Variants in GPRASP3 observed in about 807,000 individuals in gnomAD.
GPRASP3 encodes the protein G protein-coupled receptor associated sorting protein family member 3.
the GPRASP3 span, among the ~76,000 whole-genome samples, chrX:102,734,212 C>T: frequency 5.3e-5 from 6 of 112,161 alleles, no homozygotes; most frequent in African/African-American, 1.9e-4. Context: ...GATATGATGG[C>T]TTAGCTTGGG....
At chrX:102,721,662 T>C in the GPRASP3 span, among the ~76,000 whole-genome samples, 22 of 111,239 alleles carry the variant, frequency 2.0e-4, no homozygotes, top group Admixed American at 1.0e-3. Context: ...CTCATTCCCA[T>C]TGAGGGACAC....
At chrX:102,732,458 T>C in the GPRASP3 span, among the ~76,000 whole-genome samples, 1 of 110,748 alleles carries the variant, frequency 9.0e-6, no homozygotes. Context: ...CATCTGGAGC[T>C]TGATGACCCA....
the GPRASP3 span, chrX:102,753,495 A>G: frequency 1.6e-5 from 2 of 123,250 alleles, 1 homozygote; most frequent in Admixed American, 1.9e-4. Flanking sequence ...AATGACATCT[A>G]ACAATATTGA....
the GPRASP3 span, chrX:102,749,805 C>T: frequency 3.3e-6 from 4 of 1,209,580 alleles, no homozygotes; most frequent in African/African-American, 1.7e-5. Context: ...CTTCTAGGAA[C>T]ACTCGCTCAT....
the GPRASP3 span, among the ~76,000 whole-genome samples, chrX:102,738,243 G>A: frequency 8.9e-6 from 1 of 112,163 alleles, no homozygotes; most frequent in Non-Finnish European, 1.9e-5. Flanking sequence ...GAACAGAGGA[G>A]GAAAAAGAGG....
chrX:102,746,889 C>A, the GPRASP3 span, among the ~76,000 whole-genome samples: 1 of 112,679 alleles, frequency 8.9e-6, no homozygotes, highest in African/African-American at 3.2e-5. Flanking sequence ...TCGAATTTCA[C>A]AACAGTGGTC....
At chrX:102,721,804 C>T in the GPRASP3 span, among the ~76,000 whole-genome samples, 7 of 111,380 alleles carry the variant, frequency 6.3e-5, no homozygotes, top group African/African-American at 2.3e-4. Context: ...ATACCCTTTG[C>T]TCTCTTGTGT....
At chrX:102,747,189 G>T in the GPRASP3 span, among the ~76,000 whole-genome samples, 1 of 112,095 alleles carries the variant, frequency 8.9e-6, no homozygotes. Flanking sequence ...GATATCTGAG[G>T]AGCTATGAGA....
chrX:102,749,896 A>G, the GPRASP3 span: 1 of 1,206,820 alleles, frequency 8.3e-7, no homozygotes, highest in South Asian at 1.8e-5. Flanking sequence ...TCAAATCAGG[A>G]TCAGGGAGGT....
the GPRASP3 span, among the ~76,000 whole-genome samples, chrX:102,744,355 T>C: frequency 1.5e-3 from 165 of 112,475 alleles, no homozygotes; most frequent in African/African-American, 5.2e-3. Flanking sequence ...CATCAGAATC[T>C]GCAGGCCTAT....
chrX:102,744,337 A>C, the GPRASP3 span, among the ~76,000 whole-genome samples: 1 of 112,457 alleles, frequency 8.9e-6, no homozygotes, highest in African/African-American at 3.2e-5. Flanking sequence ...AGAGAAATAA[A>C]ACTCTCACAT....
chrX:102,745,628 A>C, the GPRASP3 span, among the ~76,000 whole-genome samples: 19 of 111,094 alleles, frequency 1.7e-4, no homozygotes, highest in African/African-American at 5.2e-4. Context: ...AGGGGCAGAC[A>C]CCCAGCAGTC....
chrX:102,721,689 C>A, the GPRASP3 span, among the ~76,000 whole-genome samples: 1 of 111,443 alleles, frequency 9.0e-6, no homozygotes, highest in Admixed American at 9.5e-5. Context: ...GGTTGCTACT[C>A]CGTGTGAGCT....
the GPRASP3 span, among the ~76,000 whole-genome samples, chrX:102,739,071 C>A: frequency 9.0e-6 from 1 of 111,314 alleles, no homozygotes; most frequent in Non-Finnish European, 1.9e-5. Context: ...AGGAGGCAAT[C>A]AGAATAAGCT....
chrX:102,752,476 A>T, the GPRASP3 span: 1 of 123,576 alleles, frequency 8.1e-6, no homozygotes, highest in Admixed American at 9.5e-5. Flanking sequence ...CCATGTTAAC[A>T]GTTGGTATAT....
chrX:102,748,932 C>T, the GPRASP3 span: 1 of 1,083,288 alleles, frequency 9.2e-7, no homozygotes, highest in Non-Finnish European at 1.2e-6. Context: ...GTTAAGACTT[C>T]GACCTAGGAC....
the GPRASP3 span, chrX:102,749,400 T>G: frequency 8.3e-7 from 1 of 1,211,853 alleles, no homozygotes; most frequent in Non-Finnish European, 1.1e-6. Context: ...GTTTCAGCAC[T>G]AAGAATGATA....
chrX:102,731,815 T>C, the GPRASP3 span, among the ~76,000 whole-genome samples: 2 of 111,313 alleles, frequency 1.8e-5, no homozygotes, highest in African/African-American at 6.5e-5. Context: ...TCCTTACCCT[T>C]GGGAAGTGAG....
the GPRASP3 span, among the ~76,000 whole-genome samples, chrX:102,747,007 C>T: frequency 9.0e-6 from 1 of 111,595 alleles, no homozygotes; most frequent in Non-Finnish European, 1.9e-5. Flanking sequence ...ATGTGGGTTC[C>T]GAGTAGAGGG....
Sources: allele counts gnomAD v4.1 joint callset (sites outside exome capture counted in the v4.1 genomes callset), GRCh38; gene constraint gnomAD v4.1.1; transcripts MANE v1.5; gene names NCBI Gene and HGNC (gene_info 2026-07-23, HGNC 2026-07-21).